ANKRD2: variants seen among roughly 807,000 people sequenced by gnomAD.
ANKRD2 encodes ankyrin repeat domain-containing protein 2.
A neutral mutation model predicts 37.3 loss-of-function variants in ANKRD2; 35 were observed. That is an observed-to-expected ratio of 0.94 (90% CI 0.72 to 1.24). The LOEUF (loss-of-function observed/expected upper bound fraction) is 1.24. ANKRD2 is among the 50% of genes most tolerant of loss of function. The pLI is 0.00. For missense variants in ANKRD2, 410 were observed against 445.6 expected (o/e 0.92, Z 0.72); for synonymous variants, 159 against 186.5 (o/e 0.85, Z 1.20).
chr10:97,578,311 CCTCATCGAG>C lies in ANKRD2; in HGVS notation c.264_272del (p.Ile89_Leu91del). ...TCATCGATGTGGGCGGGATCCAGAA[CCTCATCGAG>C]CTGCGGAAGAAACGCAAGCAGAAGA... On this transcript the variant is annotated inframe_deletion, in exon 3 of 9. Coordinates refer to ENST00000370655, the MANE Select transcript of ANKRD2 (RefSeq NM_001346793.2). 1 of 1,613,242 alleles carries C rather than the reference CCTCATCGAG, an allele frequency of 6.2e-7. No homozygotes were observed. The highest frequency in any genetic ancestry group is 8.5e-7 in the Non-Finnish European group (1 of 1,179,966).
chr10:97,572,595 T>G, upstream of ANKRD2: 5 of 1,311,080 alleles, frequency 3.8e-6, no homozygotes, highest in South Asian at 1.5e-5. Context: ...AGGCCAGGAG[T>G]TGGGGGGGCA....
intron 4 of ANKRD2, among the ~76,000 whole-genome samples, chr10:97,579,265 G>A (rs1181984366): frequency 6.7e-6 from 1 of 149,930 alleles, no homozygotes; most frequent in Non-Finnish European, 1.5e-5. Flanking sequence ...TCAAGCATGT[G>A]TTAAGATATG....
intron 4 of ANKRD2, 59 bp downstream of exon 4, chr10:97,578,664 C>A: frequency 3.0e-6 from 4 of 1,351,652 alleles, no homozygotes; most frequent in South Asian, 2.8e-5. Flanking sequence ...CCACTCCGTT[C>A]GGCTCCTGGG....
chr10:97,582,317 G>C lies in ANKRD2; in HGVS notation c.657G>C (p.Leu219=), dbSNP rs770055356. Residue 219 remains leucine, a splice_region_variant and synonymous_variant, in exon 7 of 9, where the codon CTG becomes CTC. Coordinates refer to ENST00000370655, the MANE Select transcript of ANKRD2 (RefSeq NM_001346793.2). Reference sequence around the variant, plus strand: ...AGTTCCTGATTCCTCCCACCCAGCTGCTGAGCACCCCGCTGCACGTGGCAG... The same window carrying C: ...AGTTCCTGATTCCTCCCACCCAGCTCCTGAGCACCCCGCTGCACGTGGCAG... ...HGADTNVRDK[L]LSTPLHVAVR... is the part of the protein sequence containing the mutation. 5 of 1,554,616 alleles carry C rather than the reference G, an allele frequency of 3.2e-6. No individual in the cohort carries two copies. Among genetic ancestry groups the C allele is most frequent in the Non-Finnish European group, 4.4e-6 (5 of 1,148,484 alleles).
chr10:97,573,530 G>A (rs907630094), intron 1 of ANKRD2, among the ~76,000 whole-genome samples: 1 of 151,934 alleles, frequency 6.6e-6, no homozygotes, highest in African/African-American at 2.4e-5. Flanking sequence ...GGGTTCAAGC[G>A]ATTCTCCTGC....
chr10:97,582,580 T>C (rs1358079846), intron 7 of ANKRD2, 24 bp from the exon 8 acceptor site: 2 of 1,607,748 alleles, frequency 1.2e-6, no homozygotes, highest in African/African-American at 1.3e-5. Context: ...ACAAGGGCCA[T>C]AGTGAGTGCC....
chr10:97,574,282 C>CA lies in ANKRD2; in HGVS notation c.87+1421dup, dbSNP rs34161831. Among the ~76,000 whole-genome samples the CA allele has an allele frequency of 2.9e-3, 407 of 138,866 alleles. 2 individuals carry two copies. Among genetic ancestry groups the CA allele is most frequent in the East Asian group, 0.012 (54 of 4,606 alleles). 91.1% of individuals were successfully genotyped at this position (138,866 alleles called of 152,430 possible). A position where few individuals can be genotyped will look rare whatever the true frequency, so the allele number is the denominator to read the frequency against. On this transcript the variant is annotated intron_variant, in intron 1 of 8. Coordinates refer to ENST00000370655, the MANE Select transcript of ANKRD2 (RefSeq NM_001346793.2). ...TGGGTGACAGAGGGAGACTCCGTCTCAAAAAAAAAAAAAAGGGGACTCCTC... is the reference window on the plus strand; with the variant it reads ...TGGGTGACAGAGGGAGACTCCGTCTCAAAAAAAAAAAAAAAGGGGACTCCTC...
Position 97,582,432 on chromosome 10 carries a change from G to C in ANKRD2, c.753+19G>C, listed in dbSNP as rs376555071. 11 of 1,577,484 alleles carry C rather than the reference G, an allele frequency of 7.0e-6. No individual in the cohort carries two copies. The African/African-American group carries it at 1.5e-4, about 21-fold the overall frequency. On this transcript the variant is annotated intron_variant, in intron 7 of 8. Coordinates refer to ENST00000370655, the MANE Select transcript of ANKRD2 (RefSeq NM_001346793.2). ...AGACAGGGTGAGTGCTAGCCTGTCC[G>C]CTGCTCACCCGCCATGGGTGTGTGG...
Position 97,572,888 on chromosome 10 carries a change from G to A in ANKRD2, c.87+13G>A, listed in dbSNP as rs1313548592. 3.9e-6 allele frequency: 6 copies of A among 1,550,086 alleles called. No individual in the cohort carries two copies. The highest frequency in any genetic ancestry group is 1.7e-6 in the Non-Finnish European group (2 of 1,146,422). On this transcript the variant is annotated intron_variant, in intron 1 of 8. Coordinates refer to ENST00000370655, the MANE Select transcript of ANKRD2 (RefSeq NM_001346793.2). ...GGAGGAGAATGAGGTGCGAGCAGGG[G>A]TGGAGGTGCCCAAGGGGGTCTGAGG...
intron 2 of ANKRD2, 76 bp downstream of exon 2, chr10:97,577,977 C>T: frequency 7.2e-7 from 1 of 1,393,110 alleles, no homozygotes; most frequent in Non-Finnish European, 9.7e-7. Context: ...CCTCTCCCCA[C>T]GTGGCCCATG....
chr10:97,581,351 G>A lies in ANKRD2; in HGVS notation c.591G>A (p.Gly197=). The change falls in exon 6 of 9, where the codon GGG becomes GGA. Residue 197 remains glycine, a synonymous_variant. Coordinates refer to ENST00000370655, the MANE Select transcript of ANKRD2 (RefSeq NM_001346793.2). ...DCTAMHWACR[G]GHLEVVKLLQ... ...CAGCCATGCATTGGGCCTGCCGCGG[G>A]GGCCACTTAGAGGTGGTGAAACTTC... is the stretch of plus-strand genomic sequence containing the variant. 1.2e-6 allele frequency: 2 copies of A among 1,614,184 alleles called. No individual in the cohort carries two copies. The highest frequency in any genetic ancestry group is 1.7e-6 in the Non-Finnish European group (2 of 1,180,010).
intron 2 of ANKRD2, 115 bp downstream of exon 2, chr10:97,578,016 C>T (rs894518140): frequency 2.2e-5 from 25 of 1,128,556 alleles, no homozygotes; most frequent in Non-Finnish European, 1.1e-5. Context: ...CCCGGTAGAG[C>T]TTGCTAGCCC....
intron 4 of ANKRD2, among the ~76,000 whole-genome samples, chr10:97,579,145 C>T (rs7922873): frequency 0.083 from 12,618 of 151,398 alleles, 1,511 homozygotes; most frequent in African/African-American, 0.26. Context: ...GAGACCCTGT[C>T]TCTATACATA....
intron 4 of ANKRD2, 90 bp downstream of exon 4, chr10:97,578,695 T>C (rs2135703119): frequency 2.9e-6 from 3 of 1,022,258 alleles, no homozygotes; most frequent in East Asian, 5.2e-5. Context: ...GTGAGCCTAT[T>C]TGAGAGGAGG....
intron 7 of ANKRD2, 85 bp downstream of exon 7, chr10:97,582,498 G>A: frequency 6.4e-7 from 1 of 1,564,960 alleles, no homozygotes; most frequent in Admixed American, 1.7e-5. Context: ...TTCCTCCTGG[G>A]GCCTTCAGGA....
chr10:97,573,898 A>G (rs2040791133), intron 1 of ANKRD2, among the ~76,000 whole-genome samples: 1 of 152,202 alleles, frequency 6.6e-6, no homozygotes, highest in Non-Finnish European at 1.5e-5. Context: ...AAACAAGGCA[A>G]AGGGAAGAAA....
chr10:97,573,333 C>T lies in ANKRD2; in HGVS notation c.87+458C>T, dbSNP rs562276028. ...TGGATTTTGCCAGCCTGCTGGCCAC[C>T]CTTGGGGAGTCCTTTGGCGTGTGGT... is the stretch of plus-strand genomic sequence containing the variant. On this transcript the variant is annotated intron_variant, in intron 1 of 8. Coordinates refer to ENST00000370655, the MANE Select transcript of ANKRD2 (RefSeq NM_001346793.2). Among the ~76,000 whole-genome samples the T allele has an allele frequency of 1.3e-4, 20 of 152,268 alleles. No individual in the cohort carries two copies. The South Asian group carries it at 4.1e-3, about 32-fold the overall frequency.
chr10:97,578,144 G>GGGCCCCCCCCCCCCCCCCA, intron 2 of ANKRD2, 96 bp from the exon 3 acceptor site: 1 of 685,446 alleles, frequency 1.5e-6, no homozygotes, highest in Non-Finnish European at 2.5e-6. Context: ...GGGTCTTCCT[G>GGGCCCCCCCCCCCCCCCCA]CCCACCCCAC....
intron 1 of ANKRD2, among the ~76,000 whole-genome samples, chr10:97,577,458 T>C (rs1034730981): frequency 1.3e-5 from 2 of 152,154 alleles, no homozygotes; most frequent in African/African-American, 2.4e-5. Context: ...GCCAAAAAAG[T>C]AAAGAAAAAA....
Sources: allele counts gnomAD v4.1 joint callset (sites outside exome capture counted in the v4.1 genomes callset), GRCh38; gene constraint gnomAD v4.1.1; transcripts MANE v1.5; gene names NCBI Gene and HGNC (gene_info 2026-07-23, HGNC 2026-07-21).